HDAC9: variants seen among roughly 807,000 people sequenced by gnomAD.
HDAC9 encodes the protein MEF-2 interacting transcription repressor (MITR) protein.
A neutral mutation model predicts 139.4 loss-of-function variants in HDAC9; 41 were observed. The ratio of observed to expected loss-of-function variants is 0.29; its 90% CI spans 0.23 to 0.38. The LOEUF (loss-of-function observed/expected upper bound fraction) is 0.38, where lower values mean the gene tolerates loss of function less well. HDAC9 is among the 10% of genes least tolerant of loss of function. The probability of loss-of-function intolerance (pLI) is 1.00; values close to 1 mark genes in which losing one functional copy is unlikely to be tolerated. For synonymous variants in HDAC9, 517 were observed against 476.2 expected (o/e 1.09, Z -1.12); for missense variants, 1,147 against 1,297.0 (o/e 0.88, Z 1.78).
chr7:18,732,758 CGTGT>C (rs1307890497), intron 13 of HDAC9, among the ~76,000 whole-genome samples: 2 of 61,544 alleles, frequency 3.2e-5, no homozygotes, highest in Non-Finnish European at 5.9e-5. Flanking sequence ...TGTACACACA[CGTGT>C]ATGTGTGCGT....
chr7:18,928,758 T>A (rs148053751), intron 22 of HDAC9, among the ~76,000 whole-genome samples: 1 of 152,134 alleles, frequency 6.6e-6, no homozygotes, highest in African/African-American at 2.4e-5. Context: ...AAAGGTAGAA[T>A]TGGCTATTTC....
intron 25 of HDAC9, among the ~76,000 whole-genome samples, chr7:18,994,725 C>T (rs954567155): frequency 2.0e-5 from 3 of 152,052 alleles, no homozygotes; most frequent in African/African-American, 7.2e-5. Flanking sequence ...TTTGTCAGCA[C>T]CTTTAGAGAT....
chr7:18,447,418 T>A (rs1034744715), intron 1 of HDAC9, among the ~76,000 whole-genome samples: 1 of 152,238 alleles, frequency 6.6e-6, no homozygotes, highest in African/African-American at 2.4e-5. Context: ...GTTATGCTGC[T>A]TATAAAACAG....
At chr7:18,129,266 C>T (rs193293203) in intron 1 of HDAC9, among the ~76,000 whole-genome samples, 1 of 152,188 alleles carries the variant, frequency 6.6e-6, no homozygotes, top group Non-Finnish European at 1.5e-5. Flanking sequence ...AACTGATATA[C>T]CATGGAAATT....
intron 6 of HDAC9, among the ~76,000 whole-genome samples, chr7:18,627,703 C>T (rs765315989): frequency 1.4e-4 from 21 of 152,030 alleles, no homozygotes; most frequent in African/African-American, 4.8e-4. Context: ...GTGGGAGTCC[C>T]GGCAAGTGAT....
intron 1 of HDAC9, among the ~76,000 whole-genome samples, chr7:18,367,565 A>G (rs1437374964): frequency 6.6e-6 from 1 of 152,110 alleles, no homozygotes; most frequent in Non-Finnish European, 1.5e-5. Context: ...CCTTGAATAA[A>G]TGACATTTGC....
Position 18,305,166 on chromosome 7 carries a change from C to G in HDAC9, c.-42+14651C>G, listed in dbSNP as rs143553825. ...TTCTGTATATTTCCTCCATAGCCCA[C>G]TTTTTATAATTGTAATGTTTGTGTT... On this transcript the variant is annotated intron_variant, in intron 1 of 3. Coordinates refer to the HDAC9 transcript ENST00000413509. Among the ~76,000 whole-genome samples the G allele has an allele frequency of 3.9e-3, 598 of 152,202 alleles. 2 individuals carry two copies. The highest frequency in any genetic ancestry group is 0.024 in the Middle Eastern group (7 of 294).
chr7:18,470,865 G>A lies in HDAC9; in HGVS notation c.-41-25397G>A, dbSNP rs146097621. ...TTGGAATCTGTGTGCTTAACCAGTTGCATATATTATTAATATTATTATTAT... is the reference window on the plus strand; with the variant it reads ...TTGGAATCTGTGTGCTTAACCAGTTACATATATTATTAATATTATTATTAT... On this transcript the variant is annotated intron_variant, in intron 1 of 3. Transcript: ENST00000413509. 7.1e-3 allele frequency among the ~76,000 whole-genome samples: 1,077 copies of A among 152,024 alleles called. 11 individuals are homozygous for A. The highest frequency in any genetic ancestry group is 0.024 in the African/African-American group (1,015 of 41,482).
upstream of HDAC9, among the ~76,000 whole-genome samples, chr7:18,287,272 AGAAAAAT>A (rs1161028982): frequency 2.6e-5 from 4 of 152,176 alleles, no homozygotes; most frequent in Non-Finnish European, 5.9e-5. Context: ...CAAAGAAAAA[AGAAAAAT>A]GAAAAAATAA....
chr7:18,721,820 G>A (rs1247944379), intron 12 of HDAC9, among the ~76,000 whole-genome samples: 3 of 152,088 alleles, frequency 2.0e-5, no homozygotes, highest in African/African-American at 7.2e-5. Context: ...AGGGACCTTA[G>A]CACTTCGTAG....
At position 18,170,146 on chromosome 7, in the gene HDAC9, G is replaced by A. The variant is rs372375350; in HGVS notation, c.25+7797G>A. ...GTTGTTTCCTGACTCTTTAATGATT[G>A]CCATTCTAACTGGTGTGAGATGGTA... On this transcript the variant is annotated intron_variant, in intron 2 of 12. Transcript: ENST00000417496. 2.6e-4 allele frequency among the ~76,000 whole-genome samples: 39 copies of A among 152,232 alleles called. No individual in the cohort carries two copies. The South Asian group carries it at 6.8e-3, about 27-fold the overall frequency.
intron 17 of HDAC9, among the ~76,000 whole-genome samples, chr7:18,825,810 A>T (rs1477926633): frequency 6.7e-6 from 1 of 148,316 alleles, no homozygotes; most frequent in Non-Finnish European, 1.5e-5. Flanking sequence ...ATACACATAT[A>T]AACAAATACA....
chr7:18,193,734 G>T (rs967080892), intron 2 of HDAC9, among the ~76,000 whole-genome samples: 1 of 152,034 alleles, frequency 6.6e-6, no homozygotes, highest in Non-Finnish European at 1.5e-5. Context: ...TCTGCTCTAT[G>T]AGCTGATTTT....
chr7:18,858,715 T>G (rs564313657), intron 21 of HDAC9, among the ~76,000 whole-genome samples: 1 of 152,338 alleles, frequency 6.6e-6, no homozygotes, highest in Admixed American at 6.5e-5. Context: ...ATAATAAAAC[T>G]ACTCTATCAT....
At chr7:18,162,843 T>G (rs981902129) in intron 2 of HDAC9, among the ~76,000 whole-genome samples, 6 of 152,150 alleles carry the variant, frequency 3.9e-5, no homozygotes, top group Non-Finnish European at 8.8e-5. Context: ...TTAATTATAA[T>G]CTCAGCACCT....
intron 2 of HDAC9, among the ~76,000 whole-genome samples, chr7:18,192,992 G>A (rs2128152184): frequency 6.6e-6 from 1 of 152,260 alleles, no homozygotes; most frequent in African/African-American, 2.4e-5. Flanking sequence ...GTCTCCTTGA[G>A]GCAGCTTATC....
intron 1 of HDAC9, among the ~76,000 whole-genome samples, chr7:18,353,378 A>G (rs1453751516): frequency 2.0e-5 from 3 of 152,126 alleles, no homozygotes; most frequent in Non-Finnish European, 2.9e-5. Context: ...TGTGTAGGTT[A>G]TGAAAGACTT....
intron 8 of HDAC9, among the ~76,000 whole-genome samples, chr7:18,643,392 A>T (rs139608102): frequency 7.4e-4 from 112 of 152,260 alleles, no homozygotes; most frequent in African/African-American, 2.5e-3. Context: ...CAAATATCTG[A>T]CATGTTCCTT....
intron 2 of HDAC9, among the ~76,000 whole-genome samples, chr7:18,272,356 T>G (rs546380694): frequency 3.3e-5 from 5 of 152,260 alleles, no homozygotes; most frequent in African/African-American, 1.2e-4. Flanking sequence ...AAAAAATACA[T>G]ATATAGTGTG....
Sources: gnomAD v4.1 joint callset for allele counts (sites outside exome capture counted in the v4.1 genomes callset) on GRCh38, gnomAD v4.1.1 for gene constraint, MANE v1.5 for transcripts, NCBI Gene and HGNC (gene_info 2026-07-23, HGNC 2026-07-21) for gene names.